SH3RF3: variants seen among roughly 807,000 people sequenced by gnomAD.
SH3RF3 encodes SH3 domain containing ring finger 3.
A neutral mutation model predicts 66.3 loss-of-function variants in SH3RF3; 29 were observed. The ratio of observed to expected loss-of-function variants is 0.44; its 90% CI spans 0.33 to 0.60. SH3RF3 has a LOEUF of 0.60. Ranked by LOEUF, SH3RF3 falls within the 20% of genes least tolerant of loss-of-function variation. The pLI is 0.04. For missense variants in SH3RF3, 1,194 were observed against 1,190.9 expected, an observed-to-expected ratio of 1.00 and a Z score of -0.04; for synonymous variants, 583 against 532.0, an observed-to-expected ratio of 1.10 and a Z score of -1.32.
chr2:109,477,762 G>A (rs573485513), intron 8 of SH3RF3, among the ~76,000 whole-genome samples: 1 of 152,226 alleles, frequency 6.6e-6, no homozygotes, highest in African/African-American at 2.4e-5. Flanking sequence ...CATAGACGGC[G>A]CCTTCTCACC....
chr2:109,189,240 G>A (rs1294377969), intron 1 of SH3RF3, among the ~76,000 whole-genome samples: 3 of 151,944 alleles, frequency 2.0e-5, no homozygotes. Flanking sequence ...GAAGGAGGTG[G>A]CGTGAGGTCT....
At chr2:109,338,206 C>T (rs528326005) in intron 1 of SH3RF3, among the ~76,000 whole-genome samples, 1 of 152,290 alleles carries the variant, frequency 6.6e-6, no homozygotes, top group East Asian at 1.9e-4. Context: ...AGTAACTCAT[C>T]TGTATTAACT....
chr2:109,275,202 C>G (rs1009150502), intron 1 of SH3RF3, among the ~76,000 whole-genome samples: 1 of 152,174 alleles, frequency 6.6e-6, no homozygotes, highest in Non-Finnish European at 1.5e-5. Context: ...GTTTCTCGTA[C>G]TTTGCTGCAT....
intron 9 of SH3RF3, among the ~76,000 whole-genome samples, chr2:109,498,192 C>G (rs553852783): frequency 6.6e-6 from 1 of 152,280 alleles, no homozygotes; most frequent in East Asian, 1.9e-4. Flanking sequence ...GAGTCTGGTT[C>G]GCCGGCAGAT....
chr2:109,362,720 C>G (rs1053815199), intron 2 of SH3RF3, among the ~76,000 whole-genome samples: 9 of 152,112 alleles, frequency 5.9e-5, no homozygotes, highest in African/African-American at 1.9e-4. Flanking sequence ...CTCCTTCTGT[C>G]AGTTTTTTGC....
At chr2:109,232,972 A>T (rs903868177) in intron 1 of SH3RF3, among the ~76,000 whole-genome samples, 3 of 151,840 alleles carry the variant, frequency 2.0e-5, no homozygotes, top group African/African-American at 7.3e-5. Flanking sequence ...GAGACTTGCG[A>T]TAGGGGTGTG....
At chr2:109,144,732 A>G (rs1273796507) in intron 1 of SH3RF3, among the ~76,000 whole-genome samples, 1 of 152,212 alleles carries the variant, frequency 6.6e-6, no homozygotes, top group Non-Finnish European at 1.5e-5. Flanking sequence ...CCAGCTGGTG[A>G]TGCATGCCTG....
At chr2:109,161,198 C>T (rs1174866481) in intron 1 of SH3RF3, among the ~76,000 whole-genome samples, 1 of 152,126 alleles carries the variant, frequency 6.6e-6, no homozygotes, top group Admixed American at 6.5e-5. Context: ...TAGTTAAATC[C>T]TGGGGGCAGG....
intron 4 of SH3RF3, among the ~76,000 whole-genome samples, chr2:109,416,904 CAAAAAA>C (rs59855463): frequency 1.6e-5 from 1 of 64,358 alleles, no homozygotes; most frequent in African/African-American, 5.0e-5. Context: ...GACTTCATCT[CAAAAAA>C]AAAAAAAAAA....
chr2:109,194,943 A>C (rs928031649), intron 1 of SH3RF3, among the ~76,000 whole-genome samples: 3 of 151,950 alleles, frequency 2.0e-5, no homozygotes, highest in Admixed American at 2.0e-4. Flanking sequence ...GGGAGAAAGT[A>C]GAGGAGCTGG....
chr2:109,221,918 C>A (rs1191767414), intron 1 of SH3RF3, among the ~76,000 whole-genome samples: 1 of 151,888 alleles, frequency 6.6e-6, no homozygotes, highest in East Asian at 1.9e-4. Context: ...GCATTTATTG[C>A]AGCACTAGTC....
At chr2:109,455,775 C>A (rs1678037329) in intron 8 of SH3RF3, among the ~76,000 whole-genome samples, 1 of 152,218 alleles carries the variant, frequency 6.6e-6, no homozygotes. Flanking sequence ...CAGCTGCTGC[C>A]AGCGCTCATC....
At chr2:109,451,537 C>T (rs571577174) in intron 8 of SH3RF3, among the ~76,000 whole-genome samples, 7 of 151,882 alleles carry the variant, frequency 4.6e-5, no homozygotes, top group Admixed American at 2.6e-4. Flanking sequence ...TATGACATTA[C>T]GTCCTGTACG....
intron 1 of SH3RF3, among the ~76,000 whole-genome samples, chr2:109,152,597 A>T (rs1677249111): frequency 1.3e-5 from 2 of 152,262 alleles, no homozygotes; most frequent in Non-Finnish European, 2.9e-5. Context: ...GTGTATTATC[A>T]GATTTATATT....
chr2:109,415,543 C>A (rs954009582), intron 4 of SH3RF3, among the ~76,000 whole-genome samples: 1 of 152,136 alleles, frequency 6.6e-6, no homozygotes, highest in African/African-American at 2.4e-5. Context: ...TGCCCTCTGC[C>A]GGTGCAGGCT....
intron 1 of SH3RF3, among the ~76,000 whole-genome samples, chr2:109,192,734 G>A (rs1349631252): frequency 6.6e-6 from 1 of 152,194 alleles, no homozygotes; most frequent in Non-Finnish European, 1.5e-5. Context: ...ACTTATTTCA[G>A]TCCCTGGGGC....
At chr2:109,485,032 A>G (rs934526947) in intron 8 of SH3RF3, among the ~76,000 whole-genome samples, 4 of 152,336 alleles carry the variant, frequency 2.6e-5, no homozygotes, top group Admixed American at 1.3e-4. Flanking sequence ...TACGTAACCC[A>G]TCAGCGTGTG....
At chr2:109,297,732 C>G (rs1681350975) in intron 1 of SH3RF3, among the ~76,000 whole-genome samples, 1 of 151,746 alleles carries the variant, frequency 6.6e-6, no homozygotes, top group African/African-American at 2.4e-5. Flanking sequence ...TCCGTGCCTC[C>G]CACCAGGACA....
At position 109,329,038 on chromosome 2, in the gene SH3RF3, A is replaced by C. The variant is rs374935769; in HGVS notation, c.574-18636A>C. 9.6e-4 allele frequency among the ~76,000 whole-genome samples: 146 copies of C among 152,298 alleles called. 3 individuals are homozygous for C. In the Middle Eastern group the frequency reaches 0.014, roughly 14 times the overall value. On this transcript the variant is annotated intron_variant, in intron 1 of 9. Coordinates refer to ENST00000309415, the MANE Select transcript of SH3RF3 (RefSeq NM_001099289.3). Reference sequence around the variant, plus strand: ...TGGCCATGTGTCCACAGAGGCAGTCATCTTAGTCCAGTGGCCTGGAATCCT... The same window carrying C: ...TGGCCATGTGTCCACAGAGGCAGTCCTCTTAGTCCAGTGGCCTGGAATCCT...
Sources: gnomAD v4.1 joint callset for allele counts (sites outside exome capture counted in the v4.1 genomes callset) on GRCh38, gnomAD v4.1.1 for gene constraint, MANE v1.5 for transcripts, NCBI Gene and HGNC (gene_info 2026-07-23, HGNC 2026-07-21) for gene names.